Variants in NR6A1 observed in about 807,000 individuals in gnomAD.
NR6A1 encodes the protein nuclear receptor subfamily 6 group A member 1, also known as retinoic acid receptor-related testis-associated receptor.
In NR6A1, 7 loss-of-function variants were observed where a neutral mutation model predicts 59.1. The observed-to-expected ratio is 0.12, with a 90% CI of 0.07 to 0.22. The LOEUF is 0.22. Ranked by LOEUF, NR6A1 falls within the 10% of genes least tolerant of loss-of-function variation. The pLI, the probability that NR6A1 is intolerant of heterozygous loss-of-function variation, is 1.00. For synonymous variants in NR6A1, 243 were observed against 236.1 expected, an observed-to-expected ratio of 1.03 and a Z score of -0.27; for missense variants, 468 against 611.6, an observed-to-expected ratio of 0.77 and a Z score of 2.48.
At chr9:124,762,255 T>A (rs966933350) in intron 1 of NR6A1, among the ~76,000 whole-genome samples, 1 of 152,332 alleles carries the variant, frequency 6.6e-6, no homozygotes, top group African/African-American at 2.4e-5. Flanking sequence ...AAAATAAACC[T>A]ATGAAAAATT....
At chr9:124,613,092 T>C (rs1835800893) in intron 2 of NR6A1, among the ~76,000 whole-genome samples, 3 of 152,158 alleles carry the variant, frequency 2.0e-5, no homozygotes, top group Admixed American at 1.3e-4. Context: ...ATCCCAGCCT[T>C]TGGGAGGCTG....
At chr9:124,683,235 GGGAAAAGGAAAAGGAAAAGGAAAA>G (rs144520685) in intron 2 of NR6A1, among the ~76,000 whole-genome samples, 1 of 149,770 alleles carries the variant, frequency 6.7e-6, no homozygotes, top group African/African-American at 2.5e-5. Context: ...GAAAGGGAAA[GGGAAAAGGAAAAGGAAAAGGAAAA>G]GGAAAAGGAA....
chr9:124,757,393 G>GA (rs1840662572), intron 1 of NR6A1, among the ~76,000 whole-genome samples: 1 of 113,606 alleles, frequency 8.8e-6, no homozygotes, highest in Non-Finnish European at 1.8e-5. Context: ...TATAACAGGA[G>GA]AAAAAACATT....
intron 2 of NR6A1, among the ~76,000 whole-genome samples, chr9:124,662,966 T>C (rs1837492254): frequency 6.6e-6 from 1 of 152,226 alleles, no homozygotes; most frequent in African/African-American, 2.4e-5. Context: ...TAAAAAGCTA[T>C]ATTAGAAATA....
In NR6A1 at chr9:124,701,574, T is replaced by C. The variant is rs538267184; in HGVS notation, c.142+31734A>G. On this transcript the variant is annotated intron_variant, in intron 2 of 9. Transcript: ENST00000487099. ...CTTATCCTCCATTTCCCCTAGCAAC[T>C]TGTTTACTTTTTGCCTCAATGAATT... Among the ~76,000 whole-genome samples the C allele has an allele frequency of 6.0e-4, 91 of 152,286 alleles. 1 individual carries two copies. In the South Asian group the frequency reaches 0.018, roughly 31 times the overall value.
intron 2 of NR6A1, among the ~76,000 whole-genome samples, chr9:124,592,446 G>C (rs1442160631): frequency 6.6e-6 from 1 of 152,032 alleles, no homozygotes; most frequent in African/African-American, 2.4e-5. Flanking sequence ...ATATCAGAGG[G>C]GCAGAATCAA....
intron 2 of NR6A1, among the ~76,000 whole-genome samples, chr9:124,561,703 G>T (rs1834088758): frequency 6.6e-6 from 1 of 152,134 alleles, no homozygotes; most frequent in East Asian, 1.9e-4. Flanking sequence ...CTTGAGGTCA[G>T]GATTTCCAGA....
At chr9:124,588,481 G>C (rs1341652237) in intron 2 of NR6A1, among the ~76,000 whole-genome samples, 1 of 151,096 alleles carries the variant, frequency 6.6e-6, no homozygotes, top group African/African-American at 2.4e-5. Flanking sequence ...CTAATTTTTT[G>C]TATTTTTTAG....
chr9:124,607,137 C>A (rs1386505147), intron 2 of NR6A1: 1 of 152,098 alleles, frequency 6.6e-6, no homozygotes, highest in Non-Finnish European at 1.5e-5. Flanking sequence ...TTTATTTTTT[C>A]TTTTATAGAA....
intron 1 of NR6A1, among the ~76,000 whole-genome samples, chr9:124,745,267 A>C (rs76854519): frequency 2.6e-5 from 4 of 151,570 alleles, no homozygotes; most frequent in Non-Finnish European, 5.9e-5. Flanking sequence ...GAAAAAAAAA[A>C]CACTTTGGTC....
intron 1 of NR6A1, among the ~76,000 whole-genome samples, chr9:124,769,617 T>A (rs75960836): frequency 0.014 from 2,157 of 152,354 alleles, 22 homozygotes; most frequent in Admixed American, 0.022. Context: ...AATCTGTTAC[T>A]TGTTAGACAC....
At chr9:124,751,647 G>C (rs1248063278) in intron 1 of NR6A1, among the ~76,000 whole-genome samples, 17 of 152,278 alleles carry the variant, frequency 1.1e-4, no homozygotes, top group African/African-American at 4.1e-4. Context: ...TACACTACAT[G>C]AGTCTGGTGC....
rs749600176 is a variant in NR6A1, at chr9:124,536,072, G to A, written c.885C>T (p.Leu295=). The A allele has an allele frequency of 6.2e-7, 1 of 1,614,200 alleles. No homozygotes were observed. Among genetic ancestry groups the A allele is most frequent in the Non-Finnish European group, 8.5e-7 (1 of 1,180,018 alleles). ...TCTTGATCCAGGCAATCTGCCTAAAGAGCAGCTCGTCGGCCAGGCGGCAAA... is the reference window on the plus strand; with the variant it reads ...TCTTGATCCAGGCAATCTGCCTAAAAAGCAGCTCGTCGGCCAGGCGGCAAA... ...ALLCRLADEL[L]FRQIAWIKKL... Residue 295 remains leucine (L), a synonymous_variant, in exon 7 of 10, where the codon CTC becomes CTT. Transcript: ENST00000487099.
At chr9:124,532,551 C>G (rs1173530099) in intron 7 of NR6A1, among the ~76,000 whole-genome samples, 1 of 152,184 alleles carries the variant, frequency 6.6e-6, no homozygotes, top group Non-Finnish European at 1.5e-5. Flanking sequence ...TCCCAGCTTC[C>G]TCCCCACAAA....
chr9:124,635,343 A>G (rs891729331), intron 2 of NR6A1, among the ~76,000 whole-genome samples: 1 of 152,192 alleles, frequency 6.6e-6, no homozygotes, highest in African/African-American at 2.4e-5. Context: ...GGGACCAGGT[A>G]GAGATAACTG....
intron 2 of NR6A1, among the ~76,000 whole-genome samples, chr9:124,649,267 C>A (rs534511153): frequency 6.9e-6 from 1 of 145,826 alleles, no homozygotes; most frequent in Non-Finnish European, 1.5e-5. Context: ...ACACATAGAC[C>A]GATGGAACAG....
chr9:124,534,910 G>T (rs1462104731), intron 7 of NR6A1, among the ~76,000 whole-genome samples: 1 of 151,882 alleles, frequency 6.6e-6, no homozygotes, highest in African/African-American at 2.4e-5. Context: ...GGATCATGAG[G>T]TCGGGAGGCC....
chr9:124,624,069 G>A (rs1836162662), intron 2 of NR6A1, among the ~76,000 whole-genome samples: 1 of 152,122 alleles, frequency 6.6e-6, no homozygotes, highest in Admixed American at 6.6e-5. Flanking sequence ...GCTAGTAAAG[G>A]GCAGAGCTAG....
chr9:124,608,669 T>C (rs1291200236), intron 2 of NR6A1, among the ~76,000 whole-genome samples: 1 of 152,184 alleles, frequency 6.6e-6, no homozygotes, highest in Non-Finnish European at 1.5e-5. Flanking sequence ...AGTAATGGAA[T>C]TGCTGGGTCA....
Sources: allele counts gnomAD v4.1 joint callset (sites outside exome capture counted in the v4.1 genomes callset), GRCh38; gene constraint gnomAD v4.1.1; transcripts MANE v1.5; gene names NCBI Gene and HGNC (gene_info 2026-07-23, HGNC 2026-07-21).